Variants in DDB1 observed in about 807,000 individuals in gnomAD.
DDB1 encodes the protein DNA damage-binding protein 1.
DDB1 carries 18 observed loss-of-function variants against 133.1 expected under a neutral mutation model. That is an observed-to-expected ratio of 0.14 (90% CI 0.09 to 0.20). The LOEUF (loss-of-function observed/expected upper bound fraction) is 0.20. Ranked by LOEUF, DDB1 falls within the 10% of genes least tolerant of loss-of-function variation. The probability of loss-of-function intolerance (pLI) is 1.00; values close to 1 mark genes in which losing one functional copy is unlikely to be tolerated. For missense variants in DDB1, 828 were observed against 1,459.2 expected (o/e 0.57, Z 7.05); for synonymous variants, 580 against 550.5 (o/e 1.05, Z -0.75).
chr11:61,316,445 A>G lies in DDB1; in HGVS notation c.1301+47T>C, dbSNP rs1021725085. 7 of 1,613,674 alleles carry G rather than the reference A, an allele frequency of 4.3e-6. No individual in the cohort carries two copies. In the Admixed American group the frequency reaches 6.7e-5, roughly 15 times the overall value. On this transcript the variant is annotated intron_variant, in intron 11 of 26. Coordinates refer to ENST00000301764, the MANE Select transcript of DDB1 (RefSeq NM_001923.5). ...AGCCTGGGACCAGCTTCCCCACCTC[A>G]CAACCTTCTCACCAGCACCTACAGC...
chr11:61,333,076 T>G lies in DDB1; in HGVS notation c.-108A>C. ...AGCGCGCAGCGAACTCCACTGCCGC[T>G]GCCTCCGCCCCAGAGACACGTTGCA... On this transcript the variant is annotated 5_prime_UTR_variant, in exon 1 of 27. Transcript: ENST00000301764. 9.4e-7 allele frequency: 1 copy of G among 1,063,546 alleles called. No individual in the cohort carries two copies. Among genetic ancestry groups the G allele is most frequent in the Non-Finnish European group, 1.3e-6 (1 of 775,306 alleles). 65.9% of individuals were successfully genotyped at this position (1,063,546 alleles called of 1,614,324 possible).
In DDB1 at chr11:61,316,942, G is replaced by GAT. The variant is rs1856081507; in HGVS notation, c.1226-377_1226-376dup. On this transcript the variant is annotated intron_variant, in intron 10 of 26. Coordinates refer to ENST00000301764, the MANE Select transcript of DDB1 (RefSeq NM_001923.5). ...CTCAAAAAAAAAAAAAAAAAAAAAG[G>GAT]ATAGATATATATATATATATATATA... 1.1e-3 allele frequency among the ~76,000 whole-genome samples: 30 copies of GAT among 27,066 alleles called. 3 individuals are homozygous for GAT. Among genetic ancestry groups the GAT allele is most frequent in the East Asian group, 2.1e-3 (1 of 482 alleles). 17.8% of individuals were successfully genotyped at this position (27,066 alleles called of 152,430 possible). A position where few individuals can be genotyped will look rare whatever the true frequency, so the allele number is the denominator to read the frequency against.
At position 61,300,363 on chromosome 11, in the gene DDB1, C is replaced by G. The variant is rs28720361; in HGVS notation, c.3340-144G>C. ...GACTCACCAGAAACCCACGCCTCCCCCTGGGTGGCACAGGTCAGCAAGGAC... is the reference window on the plus strand; with the variant it reads ...GACTCACCAGAAACCCACGCCTCCCGCTGGGTGGCACAGGTCAGCAAGGAC... On this transcript the variant is annotated intron_variant, in intron 26 of 26. Transcript: ENST00000301764. 287 of 798,156 alleles carry G rather than the reference C, an allele frequency of 3.6e-4. 5 individuals are homozygous for G. The East Asian group carries it at 7.6e-3, about 21-fold the overall frequency. The allele number at this position is 798,156 out of a possible 1,614,324, so 49.4% of individuals were successfully genotyped here. A position where few individuals can be genotyped will look rare whatever the true frequency, so the allele number is the denominator to read the frequency against.
intron 6 of DDB1, 78 bp downstream of exon 6, chr11:61,325,533 T>G: frequency 8.2e-7 from 1 of 1,220,434 alleles, no homozygotes; most frequent in Non-Finnish European, 1.2e-6. Context: ...CTCCTTTTGA[T>G]AAATAAGAGA....
At chr11:61,316,685 G>T in intron 10 of DDB1, 118 bp from the exon 11 acceptor site, 2 of 1,084,278 alleles carry the variant, frequency 1.8e-6, no homozygotes, top group Non-Finnish European at 1.4e-6. Flanking sequence ...ACTTGGGAAG[G>T]CAGAGGCAGG....
In DDB1 at chr11:61,311,666, A is replaced by G. The variant is rs966007105; in HGVS notation, c.2277+118T>C. 9 of 817,036 alleles carry G rather than the reference A, an allele frequency of 1.1e-5. No individual in the cohort carries two copies. The South Asian group carries it at 1.7e-4, about 16-fold the overall frequency. The allele number at this position is 817,036 out of a possible 1,614,324, so 50.6% of individuals were successfully genotyped here. On this transcript the variant is annotated intron_variant, in intron 18 of 26. Transcript: ENST00000301764. Reference sequence around the variant, plus strand: ...TCAGGCTACGATGGCAAAGTTGAACAGTCAGTGGTAACTGAGACCACACTG... The same window carrying G: ...TCAGGCTACGATGGCAAAGTTGAACGGTCAGTGGTAACTGAGACCACACTG...
chr11:61,310,264 G>C (rs758893429), intron 19 of DDB1, 31 bp downstream of exon 19: 14 of 1,593,872 alleles, frequency 8.8e-6, no homozygotes, highest in African/African-American at 1.3e-5. Context: ...GGAGGGCGTA[G>C]ATAAAAATTA....
intron 5 of DDB1, 194 bp from the exon 6 acceptor site, chr11:61,325,902 C>G: frequency 3.1e-6 from 2 of 653,602 alleles, no homozygotes; most frequent in South Asian, 1.7e-5. Context: ...TTATCTAATC[C>G]TGGTAGTATT....
rs1856434837 is a variant in DDB1 at position 61,333,011 on chromosome 11, A to G, written c.-43T>C. ...CCCGTCGGGACTCGAGCGCGACACTAGAAAGAGGGACACAAGCGAAAAGAC... is the reference window on the plus strand; with the variant it reads ...CCCGTCGGGACTCGAGCGCGACACTGGAAAGAGGGACACAAGCGAAAAGAC... On this transcript the variant is annotated 5_prime_UTR_variant, in exon 1 of 27. Coordinates refer to ENST00000301764, the MANE Select transcript of DDB1 (RefSeq NM_001923.5). 1.4e-5 allele frequency: 20 copies of G among 1,458,292 alleles called. No homozygotes were observed. Among genetic ancestry groups the G allele is most frequent in the Non-Finnish European group, 1.8e-5 (20 of 1,093,604 alleles). 90.3% of individuals were successfully genotyped at this position (1,458,292 alleles called of 1,614,324 possible).
chr11:61,316,794 C>CA (rs1856075580), intron 10 of DDB1, among the ~76,000 whole-genome samples: 1 of 148,854 alleles, frequency 6.7e-6, no homozygotes, highest in African/African-American at 2.5e-5. Flanking sequence ...TGTGGTGGCA[C>CA]AAAACTATAG....
chr11:61,305,276 A>AG (rs913392085), intron 21 of DDB1, among the ~76,000 whole-genome samples: 1 of 152,274 alleles, frequency 6.6e-6, no homozygotes, highest in African/African-American at 2.4e-5. Flanking sequence ...TGGGAGGCCA[A>AG]GGCAGGCGGA....
chr11:61,302,921 C>A, intron 23 of DDB1, 125 bp downstream of exon 23: 1 of 1,272,586 alleles, frequency 7.9e-7, no homozygotes, highest in Non-Finnish European at 1.1e-6. Flanking sequence ...TATTCTCTGA[C>A]GAGGAAAGTT....
In DDB1 at chr11:61,322,377, T is replaced by C; in HGVS notation, c.1041A>G (p.Val347=). The C allele has an allele frequency of 6.2e-7, 1 of 1,614,190 alleles. No individual in the cohort carries two copies. Among genetic ancestry groups the C allele is most frequent in the South Asian group, 1.1e-5 (1 of 91,082 alleles). Reference sequence around the variant, plus strand: ...AGTTGGTAAAGGTTTCCATGGCCACTACATAGGAGCCTTGTTCATTACTGT... The same window carrying C: ...AGTTGGTAAAGGTTTCCATGGCCACCACATAGGAGCCTTGTTCATTACTGT... The part of the protein sequence containing the change: ...NVDSNEQGSY[V]VAMETFTNLG... The change falls in exon 9 of 27, where the codon GTA becomes GTG. Residue 347 remains valine, a synonymous_variant. Coordinates refer to ENST00000301764, the MANE Select transcript of DDB1 (RefSeq NM_001923.5).
rs917467948 is a variant in DDB1, at chr11:61,325,602, T to C, written c.762+9A>G. On this transcript the variant is annotated intron_variant, in intron 6 of 26. Coordinates refer to ENST00000301764, the MANE Select transcript of DDB1 (RefSeq NM_001923.5). ...AGATGAAAGGAAAAAAAGGTAGGACTGCGCTCACCTTGATGATAGGAGGGG... is the reference window on the plus strand; with the variant it reads ...AGATGAAAGGAAAAAAAGGTAGGACCGCGCTCACCTTGATGATAGGAGGGG... 16 of 1,610,716 alleles carry C rather than the reference T, an allele frequency of 9.9e-6. No individual in the cohort carries two copies. The highest frequency in any genetic ancestry group is 1.4e-5 in the Non-Finnish European group (16 of 1,177,696).
intron 10 of DDB1, 149 bp from the exon 11 acceptor site, chr11:61,316,716 G>A (rs1856073479): frequency 2.5e-6 from 2 of 812,706 alleles, no homozygotes; most frequent in South Asian, 1.5e-5. Context: ...GGAACCAGGA[G>A]TTCTAGACCA....
chr11:61,317,441 A>G (rs1856109301), intron 10 of DDB1, among the ~76,000 whole-genome samples: 1 of 152,050 alleles, frequency 6.6e-6, no homozygotes, highest in African/African-American at 2.4e-5. Context: ...AGCTGTTTTG[A>G]GCCTATTTTA....
rs935438414 is a variant in DDB1 at position 61,313,843 on chromosome 11, C to G, written c.1861+19G>C. 2 of 1,612,552 alleles carry G rather than the reference C, an allele frequency of 1.2e-6. No homozygotes were observed. The highest frequency in any genetic ancestry group is 8.5e-7 in the Non-Finnish European group (1 of 1,178,624). ...ACTCTATTTTTGAAAGAGTCCCTCA[C>G]TCAAAATACTACTCTCACCTGTCTC... On this transcript the variant is annotated intron_variant, in intron 15 of 26. Transcript: ENST00000301764.
At chr11:61,323,312 T>C in intron 7 of DDB1, 1 of 560,030 alleles carries the variant, frequency 1.8e-6, no homozygotes, top group Non-Finnish European at 3.2e-6. Flanking sequence ...GAAAAATCTA[T>C]AATTTGTCTT....
Position 61,314,223 on chromosome 11 carries a change from G to A in DDB1, c.1590-13C>T, listed in dbSNP as rs1440576342. The A allele has an allele frequency of 6.3e-7, 1 of 1,593,092 alleles. No homozygotes were observed. The highest frequency in any genetic ancestry group is 1.3e-5 in the African/African-American group (1 of 74,114). On this transcript the variant is annotated splice_polypyrimidine_tract_variant and intron_variant, in intron 13 of 26. Coordinates refer to ENST00000301764, the MANE Select transcript of DDB1 (RefSeq NM_001923.5). ...CATCTCTGTGTGGCTGAACAAAGAA[G>A]AATATGGCAGAGGAAGGAATCCAAG...
Sources: gnomAD v4.1 joint callset for allele counts (sites outside exome capture counted in the v4.1 genomes callset) on GRCh38, gnomAD v4.1.1 for gene constraint, MANE v1.5 for transcripts, NCBI Gene and HGNC (gene_info 2026-07-23, HGNC 2026-07-21) for gene names.